The following CHST9 variants were observed in gnomAD, a reference collection of about 807,000 sequenced individuals.
CHST9 encodes the protein GalNAc-4-sulfotransferase 2.
A neutral mutation model predicts 44.4 loss-of-function variants in CHST9; 41 were observed. That is an observed-to-expected ratio of 0.92 (90% CI 0.72 to 1.20). The LOEUF is 1.20. Among genes scored for constraint, CHST9 ranks in the 50% most tolerant of loss-of-function variants. The pLI is 0.00. For missense variants in CHST9, 504 were observed against 516.5 expected (o/e 0.98, Z 0.23); for synonymous variants, 171 against 178.4 (o/e 0.96, Z 0.33).
chr18:27,088,947 G>A (rs1004935235), intron 2 of CHST9, among the ~76,000 whole-genome samples: 1 of 152,108 alleles, frequency 6.6e-6, no homozygotes, highest in African/African-American at 2.4e-5. Flanking sequence ...TAAACAGAGA[G>A]GAGAAAAGGC....
chr18:27,045,689 G>C (rs16943222), intron 3 of CHST9, among the ~76,000 whole-genome samples: 31,347 of 151,892 alleles, frequency 0.21, 3,501 homozygotes, highest in African/African-American at 0.29. Flanking sequence ...CAAGCTTAGT[G>C]TCAAGGAGGA....
intron 3 of CHST9, among the ~76,000 whole-genome samples, chr18:27,025,050 T>TTA (rs138381029): frequency 1.7e-3 from 254 of 147,390 alleles, no homozygotes; most frequent in African/African-American, 5.3e-3. Context: ...CTTTAAAACA[T>TTA]TATATATATA....
In CHST9 at chr18:26,975,649, G is replaced by GTATATATATA. The variant is rs36030325; in HGVS notation, c.203-31293_203-31284dup. Among the ~76,000 whole-genome samples the GTATATATATA allele has an allele frequency of 3.0e-3, 381 of 126,904 alleles. 5 individuals carry two copies. Among genetic ancestry groups the GTATATATATA allele is most frequent in the Non-Finnish European group, 4.5e-3 (277 of 62,240 alleles). 83.3% of individuals were successfully genotyped at this position (126,904 alleles called of 152,430 possible). A position where few individuals can be genotyped will look rare whatever the true frequency, so the allele number is the denominator to read the frequency against. On this transcript the variant is annotated intron_variant, in intron 4 of 5. Transcript: ENST00000618847. ...CTGAACAGTATTCCAATGTATGTGT[G>GTATATATATA]TATATATATATATATATATAAATAT...
intron 2 of CHST9, among the ~76,000 whole-genome samples, chr18:27,089,478 A>C (rs1459486757): frequency 2.6e-5 from 4 of 152,070 alleles, no homozygotes; most frequent in Non-Finnish European, 5.9e-5. Context: ...ATCCTTTTTT[A>C]TGGCTGCATA....
chr18:26,928,737 C>T (rs2055822481), intron 5 of CHST9, among the ~76,000 whole-genome samples: 1 of 152,172 alleles, frequency 6.6e-6, no homozygotes, highest in Non-Finnish European at 1.5e-5. Context: ...TTATTCCACA[C>T]AATCCTATCA....
At chr18:26,943,391 G>T (rs1010620094) in intron 5 of CHST9, among the ~76,000 whole-genome samples, 8 of 152,198 alleles carry the variant, frequency 5.3e-5, no homozygotes, top group Non-Finnish European at 1.2e-4. Context: ...GGGATGGACT[G>T]ACAATAGGAA....
intron 5 of CHST9, among the ~76,000 whole-genome samples, chr18:26,937,815 A>G (rs887503112): frequency 1.3e-5 from 2 of 152,190 alleles, no homozygotes; most frequent in African/African-American, 4.8e-5. Context: ...ATTTAATAAT[A>G]ATACCGACCA....
At chr18:26,944,198 C>T in intron 5 of CHST9, 131 bp downstream of exon 5, 1 of 705,430 alleles carries the variant, frequency 1.4e-6, no homozygotes, top group Non-Finnish European at 2.4e-6. Flanking sequence ...GTTTTTTTCC[C>T]CAGAACCAAT....
In CHST9 at chr18:26,921,906, G is replaced by A. The variant is rs888656770; in HGVS notation, c.241-4556C>T. Among the ~76,000 whole-genome samples, 3 of 152,030 alleles carry A rather than the reference G, an allele frequency of 2.0e-5. No homozygotes were observed. The South Asian group carries it at 6.2e-4, about 32-fold the overall frequency. On this transcript the variant is annotated intron_variant, in intron 5 of 5. Transcript: ENST00000618847. ...AAAATCTGAGAGATGCTTTAACAAT[G>A]GGAAAGTAAATTGGCTATTTTACAT... is the stretch of plus-strand genomic sequence containing the variant.
At chr18:26,968,577 G>A (rs907746570) in intron 4 of CHST9, among the ~76,000 whole-genome samples, 5 of 152,152 alleles carry the variant, frequency 3.3e-5, no homozygotes, top group African/African-American at 1.2e-4. Context: ...TAAGTCTGCT[G>A]TCTTTTGAAG....
intron 4 of CHST9, among the ~76,000 whole-genome samples, chr18:26,961,641 T>A (rs1280570923): frequency 2.0e-5 from 3 of 152,196 alleles, no homozygotes; most frequent in Non-Finnish European, 2.9e-5. Context: ...TTGTTCAGGC[T>A]GTTCCCAAAC....
intron 4 of CHST9, among the ~76,000 whole-genome samples, chr18:27,010,678 C>T (rs1037814915): frequency 3.9e-5 from 6 of 152,146 alleles, no homozygotes; most frequent in Admixed American, 2.0e-4. Context: ...AGAGAGAGTT[C>T]CCATCTCTCA....
At chr18:27,096,789 G>T (rs775970478) in intron 2 of CHST9, among the ~76,000 whole-genome samples, 16 of 151,530 alleles carry the variant, frequency 1.1e-4, no homozygotes, top group Non-Finnish European at 1.5e-4. Flanking sequence ...CAGTAATAAA[G>T]ATTCTACCAA....
chr18:26,917,076 TCA>T lies in CHST9; in HGVS notation c.513_514del (p.Glu172GlyfsTer39). ...AGACCTTCGTTTCTCTTGGGTCTCC[TCA>T]GTTTTCTTCCATTTATTATCTTTGA... On this transcript the variant is annotated frameshift_variant, in exon 6 of 6. Transcript: ENST00000618847. LOFTEE classifies it high-confidence loss of function. The T allele has an allele frequency of 6.2e-7, 1 of 1,614,002 alleles. No homozygotes were observed. Among genetic ancestry groups the T allele is most frequent in the Non-Finnish European group, 8.5e-7 (1 of 1,179,918 alleles).
intron 5 of CHST9, among the ~76,000 whole-genome samples, chr18:26,940,307 G>T (rs2056064367): frequency 6.6e-6 from 1 of 152,134 alleles, no homozygotes; most frequent in Admixed American, 6.5e-5. Flanking sequence ...CTCGTCTGAG[G>T]GTTGTGCTGT....
chr18:27,076,569 C>T (rs1402462472), intron 2 of CHST9, among the ~76,000 whole-genome samples: 2 of 152,150 alleles, frequency 1.3e-5, no homozygotes, highest in African/African-American at 2.4e-5. Context: ...GCCTATACTT[C>T]CCTACCAACT....
rs1319086671 is a variant in CHST9, at chr18:26,916,945, A to G, written c.646T>C (p.Tyr216His). 2.5e-6 allele frequency: 4 copies of G among 1,613,846 alleles called. No individual in the cohort carries two copies. The highest frequency in any genetic ancestry group is 2.2e-5 in the East Asian group (1 of 44,868). ...IYVEDKHKIL[Y>H]CEVPKAGCSN... The stretch of plus-strand genomic sequence containing the variant: ...CAGCCAGCCTTAGGTACCTCACAAT[A>G]TAAGATTTTGTGTTTATCTTCTACA... Residue 216 changes from tyrosine to histidine, a missense_variant, in exon 6 of 6, where the codon TAT becomes CAT. Transcript: ENST00000618847.
intron 2 of CHST9, among the ~76,000 whole-genome samples, chr18:27,087,409 C>T (rs981625809): frequency 1.3e-5 from 2 of 152,128 alleles, no homozygotes; most frequent in African/African-American, 4.8e-5. Flanking sequence ...AGCTTCTTCG[C>T]CCTTTTATTG....
At chr18:27,167,250 G>A (rs2058797939) in intron 1 of CHST9, among the ~76,000 whole-genome samples, 1 of 151,958 alleles carries the variant, frequency 6.6e-6, no homozygotes, top group African/African-American at 2.4e-5. Flanking sequence ...CACCTAAAAA[G>A]CCATCAAGAT....
Sources: allele counts gnomAD v4.1 joint callset (sites outside exome capture counted in the v4.1 genomes callset), GRCh38; gene constraint gnomAD v4.1.1; transcripts MANE v1.5; gene names NCBI Gene and HGNC (gene_info 2026-07-23, HGNC 2026-07-21).